The following FOXK2 variants were observed in gnomAD, a reference collection of about 807,000 sequenced individuals.
FOXK2 encodes forkhead box protein K2.
Under a neutral mutation model 53.3 loss-of-function variants are expected in FOXK2, and 24 were observed. The observed-to-expected ratio is 0.45, with a 90% CI of 0.33 to 0.63. The LOEUF is 0.63. Ranked by LOEUF, FOXK2 falls within the 30% of genes least tolerant of loss-of-function variation. The pLI, the probability that FOXK2 is intolerant of heterozygous loss-of-function variation, is 0.03. For synonymous variants in FOXK2, 505 were observed against 407.1 expected, an observed-to-expected ratio of 1.24 and a Z score of -2.89; for missense variants, 952 against 910.5, an observed-to-expected ratio of 1.05 and a Z score of -0.59.
At chr17:82,524,621 CAA>C (rs766159737) in intron 1 of FOXK2, among the ~76,000 whole-genome samples, 1 of 152,154 alleles carries the variant, frequency 6.6e-6, no homozygotes, top group Non-Finnish European at 1.5e-5. Context: ...TTCTGGAAAA[CAA>C]ATGGCTTCTT....
chr17:82,557,616 A>G (rs182550698), intron 1 of FOXK2, among the ~76,000 whole-genome samples: 242 of 152,184 alleles, frequency 1.6e-3, no homozygotes, highest in African/African-American at 5.6e-3. Context: ...AGTGCTGAGG[A>G]TTACAGGTGT....
At chr17:82,530,445 T>TAAA (rs919452670) in intron 1 of FOXK2, among the ~76,000 whole-genome samples, 7 of 78,856 alleles carry the variant, frequency 8.9e-5, no homozygotes, top group African/African-American at 1.4e-4. Context: ...AAACTCCATC[T>TAAA]AAAAAAAAAA....
intron 1 of FOXK2, among the ~76,000 whole-genome samples, chr17:82,551,411 C>T (rs2044676487): frequency 6.6e-6 from 1 of 152,004 alleles, no homozygotes; most frequent in Admixed American, 6.6e-5. Flanking sequence ...CACGGTGGCT[C>T]ATGCCTGCAA....
intron 4 of FOXK2, chr17:82,576,662 C>G: frequency 1.7e-6 from 2 of 1,160,702 alleles, no homozygotes; most frequent in South Asian, 1.3e-5. Flanking sequence ...ATTGACACAA[C>G]GAAGTCACCA....
chr17:82,587,668 C>T (rs1598234324), intron 8 of FOXK2: 12 of 303,762 alleles, frequency 4.0e-5, no homozygotes, highest in South Asian at 3.2e-4. Flanking sequence ...CTTTTCTGTG[C>T]GCTTTGCTCT....
At chr17:82,549,819 A>G (rs556261878) in intron 1 of FOXK2, among the ~76,000 whole-genome samples, 6 of 152,336 alleles carry the variant, frequency 3.9e-5, no homozygotes, top group African/African-American at 1.4e-4. Context: ...GACATCCGCC[A>G]TTTCCTAATA....
chr17:82,595,805 C>T, intron 8 of FOXK2: 1 of 1,289,664 alleles, frequency 7.8e-7, no homozygotes, highest in Middle Eastern at 2.1e-4. Flanking sequence ...CAGAAGGCCC[C>T]CATGTGCCAG....
In FOXK2 at chr17:82,571,818, C is replaced by T. The variant is rs747228346; in HGVS notation, c.857C>T (p.Thr286Ile). 4 of 1,603,058 alleles carry T rather than the reference C, an allele frequency of 2.5e-6. No individual in the cohort carries two copies. Among genetic ancestry groups the T allele is most frequent in the Non-Finnish European group, 2.6e-6 (3 of 1,176,142 alleles). ...DKQLTLNGIYTHITKNYPYYR... is the reference protein window; with the variant it reads ...DKQLTLNGIYIHITKNYPYYR... Reference sequence around the variant, plus strand: ...CAGCTCACCCTGAACGGGATTTATACACACATCACTAAAAATTATCCCTAC... The same window carrying T: ...CAGCTCACCCTGAACGGGATTTATATACACATCACTAAAAATTATCCCTAC... The change falls in exon 4 of 9, where the codon ACA becomes ATA. Residue 286 changes from threonine (T) to isoleucine (I), a missense_variant. By Grantham distance (89) the Thr-to-Ile change is moderately conservative. Coordinates refer to ENST00000335255, the MANE Select transcript of FOXK2 (RefSeq NM_004514.4).
chr17:82,526,830 CAA>C (rs140941748), intron 1 of FOXK2, among the ~76,000 whole-genome samples: 75 of 121,394 alleles, frequency 6.2e-4, no homozygotes, highest in Admixed American at 1.5e-3. Context: ...GACTCCGTCT[CAA>C]AAAAAAAAAA....
intron 1 of FOXK2, among the ~76,000 whole-genome samples, chr17:82,527,976 T>A (rs145955841): frequency 6.6e-6 from 1 of 152,216 alleles, no homozygotes; most frequent in Non-Finnish European, 1.5e-5. Context: ...AATTTATTTT[T>A]TTTTGGACGT....
intron 8 of FOXK2, chr17:82,596,233 C>G: frequency 2.0e-6 from 2 of 987,186 alleles, no homozygotes; most frequent in African/African-American, 1.7e-5. Context: ...GTCCCTTCTT[C>G]TTTTTCTTTC....
rs1318448027 is a variant in FOXK2, at chr17:82,555,582, G to T, written c.420-7772G>T. Among the ~76,000 whole-genome samples, 7 of 151,952 alleles carry T rather than the reference G, an allele frequency of 4.6e-5. No individual in the cohort carries two copies. The South Asian group carries it at 1.4e-3, about 31-fold the overall frequency. The stretch of plus-strand genomic sequence containing the variant: ...GGGTGTCCATGCAGTCACAACCCAG[G>T]TAAAAGAAATAGGTCACTGTCACCG... On this transcript the variant is annotated intron_variant, in intron 1 of 8. Coordinates refer to ENST00000335255, the MANE Select transcript of FOXK2 (RefSeq NM_004514.4).
At chr17:82,599,117 T>G (rs2045352017) in intron 8 of FOXK2, 1 of 136,100 alleles carries the variant, frequency 7.3e-6, no homozygotes, top group African/African-American at 2.8e-5. Context: ...TTTTTTTTTT[T>G]GAGACGGAAT....
At chr17:82,571,914 C>A (rs369341653) in intron 4 of FOXK2, 44 bp downstream of exon 4, 1 of 1,478,036 alleles carries the variant, frequency 6.8e-7, no homozygotes, top group African/African-American at 1.5e-5. Flanking sequence ...TGATGGATAC[C>A]GAGAAGAAAG....
intron 1 of FOXK2, among the ~76,000 whole-genome samples, chr17:82,536,393 ATTC>A (rs2044521153): frequency 6.6e-6 from 1 of 151,636 alleles, no homozygotes; most frequent in African/African-American, 2.4e-5. Flanking sequence ...TGGAAATCAG[ATTC>A]TTCTCCTTTC....
chr17:82,577,339 A>G (rs1211851364), intron 4 of FOXK2: 1 of 754,092 alleles, frequency 1.3e-6, no homozygotes, highest in Non-Finnish European at 2.3e-6. Flanking sequence ...CAGCAAATTC[A>G]TCAGAGGTGG....
In FOXK2 at chr17:82,554,644, CCCTT is replaced by C. The variant is rs762218948; in HGVS notation, c.420-8703_420-8700del. Among the ~76,000 whole-genome samples, 31 of 152,288 alleles carry C rather than the reference CCCTT, an allele frequency of 2.0e-4. No homozygotes were observed. In the South Asian group the frequency reaches 2.1e-3, roughly 10 times the overall value. On this transcript the variant is annotated intron_variant, in intron 1 of 8. Transcript: ENST00000335255. ...TCCTGTAGTGCATCTCTTAACCTGT[CCCTT>C]CCTTCCATTTTTGGTCAGACGTCTC...
At chr17:82,601,195 TGA>T in intron 8 of FOXK2, 106 bp from the exon 9 acceptor site, 4 of 1,195,750 alleles carry the variant, frequency 3.3e-6, no homozygotes, top group Non-Finnish European at 4.7e-6. Flanking sequence ...AGAGTTCACA[TGA>T]GAGCGTGGGG....
intron 1 of FOXK2, among the ~76,000 whole-genome samples, chr17:82,530,481 G>T (rs1294789680): frequency 7.3e-6 from 1 of 137,274 alleles, no homozygotes; most frequent in Non-Finnish European, 1.6e-5. Context: ...GAGAAAACCC[G>T]AAATAAGGAA....
Sources: allele counts gnomAD v4.1 joint callset (sites outside exome capture counted in the v4.1 genomes callset), GRCh38; gene constraint gnomAD v4.1.1; transcripts MANE v1.5; gene names NCBI Gene and HGNC (gene_info 2026-07-23, HGNC 2026-07-21).